The following OSBPL3 variants were observed in gnomAD, a reference collection of about 807,000 sequenced individuals.
OSBPL3 encodes oxysterol binding protein like 3, also known as oxysterol-binding protein-related protein 3.
A neutral mutation model predicts 120.1 loss-of-function variants in OSBPL3; 65 were observed. The ratio of observed to expected loss-of-function variants is 0.54; its 90% CI spans 0.44 to 0.67. The LOEUF is 0.67. Among genes scored for constraint, OSBPL3 ranks in the 30% least tolerant of loss-of-function variants. OSBPL3 has a pLI of 0.00. For missense variants in OSBPL3, 1,004 were observed against 1,082.1 expected (o/e 0.93, Z 1.01); for synonymous variants, 416 against 402.6 (o/e 1.03, Z -0.40).
At chr7:24,911,093 G>A (rs1026871913) in intron 1 of OSBPL3, among the ~76,000 whole-genome samples, 3 of 152,206 alleles carry the variant, frequency 2.0e-5, no homozygotes, top group African/African-American at 7.2e-5. Flanking sequence ...CCACAGAACT[G>A]CCTTCTTTAA....
At position 24,866,050 on chromosome 7, in the gene OSBPL3, A is replaced by T. The variant is rs1801268927; in HGVS notation, c.549+20T>A. Reference sequence around the variant, plus strand: ...AAGCCACCCCGTTCTCAGATTCATTATTGGCAAAACACTCATTACCTTCCT... The same window carrying T: ...AAGCCACCCCGTTCTCAGATTCATTTTTGGCAAAACACTCATTACCTTCCT... On this transcript the variant is annotated intron_variant, in intron 6 of 22. Transcript: ENST00000313367. The T allele has an allele frequency of 1.9e-6, 3 of 1,602,894 alleles. No homozygotes were observed. The highest frequency in any genetic ancestry group is 3.4e-5 in the Admixed American group (2 of 59,628).
At chr7:24,909,582 T>C (rs1350372603) in intron 1 of OSBPL3, among the ~76,000 whole-genome samples, 2 of 152,086 alleles carry the variant, frequency 1.3e-5, no homozygotes, top group Admixed American at 1.3e-4. Context: ...GTTACACAGG[T>C]ATAGCACAAA....
chr7:24,972,757 T>C lies in OSBPL3; in HGVS notation c.-150+7129A>G, dbSNP rs1817172831. 6.6e-6 allele frequency among the ~76,000 whole-genome samples: 1 copy of C among 152,182 alleles called. No individual in the cohort carries two copies. Among genetic ancestry groups the C allele is most frequent in the African/African-American group, 2.4e-5 (1 of 41,438 alleles). ...ACACATATATATACATATATGTAGA[T>C]TAAAATATATATATTAGCTTTAGCT... On this transcript the variant is annotated intron_variant, in intron 1 of 22. Transcript: ENST00000313367. The surrounding 1 kb of genome is among the most constrained non-coding windows in gnomAD (Gnocchi z 4.3).
chr7:24,959,546 T>C lies in OSBPL3; in HGVS notation c.-150+20340A>G, dbSNP rs918620504. Among the ~76,000 whole-genome samples, 4 of 152,178 alleles carry C rather than the reference T, an allele frequency of 2.6e-5. No individual in the cohort carries two copies. The highest frequency in any genetic ancestry group is 9.7e-5 in the African/African-American group (4 of 41,442). On this transcript the variant is annotated intron_variant, in intron 1 of 22. Coordinates refer to ENST00000313367, the MANE Select transcript of OSBPL3 (RefSeq NM_015550.4). This position sits in a 1 kb window ranked among gnomAD's most constrained non-coding sequence, Gnocchi z 4.3. ...CAGGATGGAAATTACCCATTGCGGG[T>C]AGGGATAGCGACTTCGGAAGAGCTG...
chr7:24,870,815 C>A lies in OSBPL3; in HGVS notation c.298G>T (p.Asp100Tyr), dbSNP rs1802001133. ...ACAGACATCACTGAGAGCCCGACATCAATGCAGCCATGCAGCTTCTCTCTC... is the reference window on the plus strand; with the variant it reads ...ACAGACATCACTGAGAGCCCGACATAAATGCAGCCATGCAGCTTCTCTCTC... ...IEREKLHGCI[D>Y]VGLSVMSVKK... The change falls in exon 5 of 23, where the codon GAT (aspartate) becomes TAT (tyrosine). Residue 100 changes from aspartate (D) to tyrosine (Y), a missense_variant. Asp to Tyr is a radical substitution (Grantham distance 160). Transcript: ENST00000313367. 6.2e-7 allele frequency: 1 copy of A among 1,613,640 alleles called. No individual in the cohort carries two copies. The highest frequency in any genetic ancestry group is 8.5e-7 in the Non-Finnish European group (1 of 1,179,520).
At chr7:24,944,485 C>G (rs111450550) in intron 1 of OSBPL3, among the ~76,000 whole-genome samples, 4,988 of 152,138 alleles carry the variant, frequency 0.033, 139 homozygotes, top group Non-Finnish European at 0.053. Context: ...AAAAAATTAG[C>G]CGGGCATGGT....
chr7:24,838,767 T>C (rs1160830175), intron 14 of OSBPL3, among the ~76,000 whole-genome samples: 2 of 152,244 alleles, frequency 1.3e-5, no homozygotes, highest in African/African-American at 4.8e-5. Flanking sequence ...ACCACTTTAG[T>C]GTGCATGCTG....
chr7:24,972,824 G>A lies in OSBPL3; in HGVS notation c.-150+7062C>T, dbSNP rs1387022362. Among the ~76,000 whole-genome samples, 1 of 152,122 alleles carries A rather than the reference G, an allele frequency of 6.6e-6. No homozygotes were observed. The highest frequency in any genetic ancestry group is 2.4e-5 in the African/African-American group (1 of 41,428). On this transcript the variant is annotated intron_variant, in intron 1 of 22. Coordinates refer to ENST00000313367, the MANE Select transcript of OSBPL3 (RefSeq NM_015550.4). This position sits in a 1 kb window ranked among gnomAD's most constrained non-coding sequence, Gnocchi z 4.3. ...GACTGTCCACCACAAATTACTTGGG[G>A]AGGGAGAAATATTTGTTTTATAAGA...
rs1815470297 is a variant in OSBPL3, at chr7:24,959,489, A to C, written c.-150+20397T>G. Among the ~76,000 whole-genome samples the C allele has an allele frequency of 6.6e-6, 1 of 152,194 alleles. No homozygotes were observed. On this transcript the variant is annotated intron_variant, in intron 1 of 22. Coordinates refer to ENST00000313367, the MANE Select transcript of OSBPL3 (RefSeq NM_015550.4). The surrounding 1 kb of genome is among the most constrained non-coding windows in gnomAD (Gnocchi z 4.3). The stretch of plus-strand genomic sequence containing the variant: ...GAGTCAATTTACATAAGTTACAAAA[A>C]CAAGCAAAGCTAATCTGATGGTGTT...
chr7:24,893,748 C>T (rs1046083682), intron 1 of OSBPL3, among the ~76,000 whole-genome samples: 8 of 22,570 alleles, frequency 3.5e-4, no homozygotes, highest in African/African-American at 1.1e-3. Flanking sequence ...GGCGGCGGGG[C>T]GGGGGGGACG....
Position 24,872,186 on chromosome 7 carries a change from T to G in OSBPL3, c.97-117A>C. ...AGATGGGGAGGCTGGCTGGGTTTGT[T>G]GGGGAGAAGAAATCCAAATTTAATT... On this transcript the variant is annotated intron_variant, in intron 2 of 22. Transcript: ENST00000313367. This position sits in a 1 kb window ranked among gnomAD's most constrained non-coding sequence, Gnocchi z 4.1. 6 of 723,462 alleles carry G rather than the reference T, an allele frequency of 8.3e-6. No homozygotes were observed. The South Asian group carries it at 1.0e-4, about 12-fold the overall frequency. The allele number at this position is 723,462 out of a possible 1,614,324, so 44.8% of individuals were successfully genotyped here.
intron 1 of OSBPL3, among the ~76,000 whole-genome samples, chr7:24,904,337 T>C (rs530335637): frequency 6.6e-6 from 1 of 152,338 alleles, no homozygotes; most frequent in Non-Finnish European, 1.5e-5. Context: ...ATGTGGTATA[T>C]ACAGTCAGCC....
rs162 is a variant in OSBPL3 at position 24,968,489 on chromosome 7, C to A, written c.-150+11397G>T. 0.13 allele frequency among the ~76,000 whole-genome samples: 19,914 copies of A among 152,178 alleles called. 1,435 individuals are homozygous for A. Among genetic ancestry groups the A allele is most frequent in the East Asian group, 0.18 (953 of 5,176 alleles). ...TTGGCTCACTGCAGCCACTGCCTCCCGGGTTCCAGCGATTCTCCTGCCTCC... is the reference window on the plus strand; with the variant it reads ...TTGGCTCACTGCAGCCACTGCCTCCAGGGTTCCAGCGATTCTCCTGCCTCC... On this transcript the variant is annotated intron_variant, in intron 1 of 22. Coordinates refer to ENST00000313367, the MANE Select transcript of OSBPL3 (RefSeq NM_015550.4). The surrounding 1 kb of genome is among the most constrained non-coding windows in gnomAD (Gnocchi z 4.6).
intron 1 of OSBPL3, among the ~76,000 whole-genome samples, chr7:24,943,768 G>C (rs991093559): frequency 1.3e-5 from 2 of 152,166 alleles, no homozygotes; most frequent in African/African-American, 4.8e-5. Flanking sequence ...TCTTCACTAT[G>C]ACATGACTAA....
chr7:24,858,608 G>T (rs189429380), intron 10 of OSBPL3, among the ~76,000 whole-genome samples: 2 of 152,250 alleles, frequency 1.3e-5, no homozygotes, highest in Non-Finnish European at 2.9e-5. Flanking sequence ...TAAGCCCACA[G>T]GGCTCAGGCA....
At chr7:24,954,770 T>C (rs1814844670) in intron 1 of OSBPL3, among the ~76,000 whole-genome samples, 1 of 152,208 alleles carries the variant, frequency 6.6e-6, no homozygotes, top group Non-Finnish European at 1.5e-5. Context: ...TGGAAATTTT[T>C]AGCAGGAATA....
At chr7:24,887,309 A>T (rs1333867611) in intron 2 of OSBPL3, among the ~76,000 whole-genome samples, 1 of 152,206 alleles carries the variant, frequency 6.6e-6, no homozygotes, top group East Asian at 1.9e-4. Flanking sequence ...CAAGAAAAGT[A>T]GATTCCTCTA....
chr7:24,878,771 A>G (rs888152580), intron 2 of OSBPL3, among the ~76,000 whole-genome samples: 3 of 152,234 alleles, frequency 2.0e-5, no homozygotes, highest in African/African-American at 4.8e-5. Context: ...GCTCTCACTC[A>G]GTGCTTCTCA....
At chr7:24,974,927 G>C (rs1817416334) in intron 1 of OSBPL3, among the ~76,000 whole-genome samples, 1 of 152,150 alleles carries the variant, frequency 6.6e-6, no homozygotes. Flanking sequence ...GGTGATGGTT[G>C]CACAACTCTG....
Sources: allele counts gnomAD v4.1 joint callset (sites outside exome capture counted in the v4.1 genomes callset), GRCh38; gene constraint gnomAD v4.1.1; non-coding constraint Gnocchi (gnomAD v3.1); transcripts MANE v1.5; gene names NCBI Gene and HGNC (gene_info 2026-07-23, HGNC 2026-07-21).